NAV2: variants seen among roughly 807,000 people sequenced by gnomAD.
NAV2 encodes the protein helicase, APC down-regulated 1.
Under a neutral mutation model 223.2 loss-of-function variants are expected in NAV2, and 54 were observed. That is an observed-to-expected ratio of 0.24 (90% CI 0.19 to 0.30). The LOEUF (loss-of-function observed/expected upper bound fraction) is 0.30. Among genes scored for constraint, NAV2 ranks in the 10% least tolerant of loss-of-function variants. The probability of loss-of-function intolerance (pLI) is 1.00; values close to 1 mark genes in which losing one functional copy is unlikely to be tolerated. For synonymous variants in NAV2, 1,279 were observed against 1,239.3 expected (o/e 1.03, Z -0.67); for missense variants, 2,806 against 3,147.5 (o/e 0.89, Z 2.60).
At chr11:19,717,649 G>T (rs994437043) in intron 1 of NAV2, among the ~76,000 whole-genome samples, 1 of 152,222 alleles carries the variant, frequency 6.6e-6, no homozygotes, top group Non-Finnish European at 1.5e-5. Flanking sequence ...GCAGCTGAAG[G>T]ATTGGATTTG....
chr11:19,837,117 C>G (rs1447055900), intron 2 of NAV2, among the ~76,000 whole-genome samples: 1 of 152,166 alleles, frequency 6.6e-6, no homozygotes, highest in African/African-American at 2.4e-5. Context: ...TAGTGTCATT[C>G]CCTGTAGGGC....
At chr11:20,008,633 C>T (rs1337232796) in intron 11 of NAV2, among the ~76,000 whole-genome samples, 4 of 152,158 alleles carry the variant, frequency 2.6e-5, no homozygotes, top group African/African-American at 9.7e-5. Flanking sequence ...TGAAAAAGGA[C>T]TTAACCAGTA....
intron 1 of NAV2, among the ~76,000 whole-genome samples, chr11:19,399,465 C>T (rs1421384557): frequency 6.6e-6 from 1 of 152,190 alleles, no homozygotes; most frequent in African/African-American, 2.4e-5. Flanking sequence ...CCTTATTGAT[C>T]AGTTTTCTCT....
chr11:19,773,816 A>G (rs2055908352), intron 1 of NAV2, among the ~76,000 whole-genome samples: 1 of 152,134 alleles, frequency 6.6e-6, no homozygotes, highest in Non-Finnish European at 1.5e-5. Flanking sequence ...CCTCATACCC[A>G]TCCCCTGCAT....
chr11:19,907,678 G>A (rs2153212232), intron 6 of NAV2, among the ~76,000 whole-genome samples: 1 of 152,320 alleles, frequency 6.6e-6, no homozygotes, highest in South Asian at 2.1e-4. Flanking sequence ...AAGGAAATTA[G>A]CCAATTATAT....
chr11:19,692,111 C>A (rs1012021193), intron 1 of NAV2, among the ~76,000 whole-genome samples: 2 of 152,216 alleles, frequency 1.3e-5, no homozygotes, highest in Non-Finnish European at 1.5e-5. Flanking sequence ...CGGCTCTTCT[C>A]CTGCCAAAAT....
intron 1 of NAV2, among the ~76,000 whole-genome samples, chr11:19,355,613 T>C (rs989710348): frequency 2.3e-4 from 35 of 152,296 alleles, no homozygotes; most frequent in South Asian, 1.0e-3. Context: ...CAATCAGTAG[T>C]GGAATTTCTA....
intron 22 of NAV2, among the ~76,000 whole-genome samples, chr11:20,069,840 A>G (rs2059290178): frequency 6.6e-6 from 1 of 152,158 alleles, no homozygotes; most frequent in African/African-American, 2.4e-5. Context: ...TTGCCATGGT[A>G]TTCCCAGCTT....
chr11:19,795,009 C>T (rs1485431258), intron 1 of NAV2, among the ~76,000 whole-genome samples: 1 of 152,158 alleles, frequency 6.6e-6, no homozygotes, highest in Non-Finnish European at 1.5e-5. Flanking sequence ...CTACTCAGTA[C>T]CCTATGGAGT....
chr11:19,754,329 T>C (rs918231852), intron 1 of NAV2, among the ~76,000 whole-genome samples: 1 of 152,220 alleles, frequency 6.6e-6, no homozygotes, highest in Admixed American at 6.5e-5. Flanking sequence ...GGGAACACAC[T>C]GCACAAAGTT....
intron 1 of NAV2, among the ~76,000 whole-genome samples, chr11:19,636,750 G>T (rs981890731): frequency 6.6e-6 from 1 of 152,172 alleles, no homozygotes; most frequent in Non-Finnish European, 1.5e-5. Flanking sequence ...GATTATAGGC[G>T]TGAGCCACCG....
At chr11:19,870,049 T>C (rs554999820) in intron 4 of NAV2, among the ~76,000 whole-genome samples, 3 of 152,068 alleles carry the variant, frequency 2.0e-5, no homozygotes, top group Non-Finnish European at 4.4e-5. Flanking sequence ...CGTCTCTGAG[T>C]GGGACTGTAG....
intron 1 of NAV2, among the ~76,000 whole-genome samples, chr11:19,741,635 T>C (rs1046447390): frequency 6.7e-6 from 1 of 149,624 alleles, no homozygotes; most frequent in East Asian, 1.9e-4. Flanking sequence ...TTTCCTTCTT[T>C]GTAAAAGTTG....
chr11:19,933,633 C>T lies in NAV2; in HGVS notation c.1389C>T (p.Leu463=). Residue 463 remains leucine, a synonymous_variant, in exon 7 of 38, where the codon CTC becomes CTT. Coordinates refer to ENST00000349880, the MANE Select transcript of NAV2 (RefSeq NM_145117.5). The surrounding 1 kb of genome is among the most constrained non-coding windows in gnomAD (Gnocchi z 4.3). ...GPASSSPKIA[L]KGIAQRTFSR... is the part of the protein sequence containing the mutation. The stretch of plus-strand genomic sequence containing the variant: ...CTTCCAGCAGCCCCAAGATTGCACT[C>T]AAGGGCATTGCCCAGAGGACTTTTA... The T allele has an allele frequency of 6.2e-7, 1 of 1,614,220 alleles. No individual in the cohort carries two copies. The highest frequency in any genetic ancestry group is 2.2e-5 in the East Asian group (1 of 44,866).
chr11:19,803,148 G>GTAT (rs141210448), intron 1 of NAV2, among the ~76,000 whole-genome samples: 3,623 of 152,290 alleles, frequency 0.024, 125 homozygotes, highest in African/African-American at 0.083. Flanking sequence ...TTTCTGCGAT[G>GTAT]TATTCCCTTC....
chr11:19,735,153 A>T (rs753526395), intron 1 of NAV2, among the ~76,000 whole-genome samples: 1 of 152,226 alleles, frequency 6.6e-6, no homozygotes, highest in Non-Finnish European at 1.5e-5. Flanking sequence ...TATAAGCTGC[A>T]GTTGTCGTGC....
intron 1 of NAV2, among the ~76,000 whole-genome samples, chr11:19,605,849 G>A (rs557315714): frequency 1.3e-5 from 2 of 152,316 alleles, no homozygotes; most frequent in South Asian, 4.1e-4. Flanking sequence ...TTGGGCGTGG[G>A]TTGTGTTGTT....
At chr11:19,798,947 C>T (rs1453860379) in intron 1 of NAV2, among the ~76,000 whole-genome samples, 1 of 152,092 alleles carries the variant, frequency 6.6e-6, no homozygotes, top group African/African-American at 2.4e-5. Flanking sequence ...ATTCTTGTAA[C>T]CCCTTTAGCA....
chr11:19,491,351 T>C (rs756847110), intron 1 of NAV2, among the ~76,000 whole-genome samples: 2 of 152,202 alleles, frequency 1.3e-5, no homozygotes, highest in African/African-American at 2.4e-5. Flanking sequence ...TCACGGAAAA[T>C]CAGTTGTTTA....
Sources: allele counts gnomAD v4.1 joint callset (sites outside exome capture counted in the v4.1 genomes callset), GRCh38; gene constraint gnomAD v4.1.1; non-coding constraint Gnocchi (gnomAD v3.1); transcripts MANE v1.5; gene names NCBI Gene and HGNC (gene_info 2026-07-23, HGNC 2026-07-21).